The following NXPE2 variants were observed in gnomAD, a reference collection of about 807,000 sequenced individuals.
NXPE2 encodes the protein NXPE family member 2.
Under a neutral mutation model 34.4 loss-of-function variants are expected in NXPE2, and 34 were observed. The ratio of observed to expected loss-of-function variants is 0.99; its 90% CI spans 0.75 to 1.31. The LOEUF is 1.31. Among genes scored for constraint, NXPE2 ranks in the 40% most tolerant of loss-of-function variants. The pLI is 0.00. For synonymous variants in NXPE2, 235 were observed against 231.3 expected (o/e 1.02, Z -0.15); for missense variants, 649 against 672.5 (o/e 0.97, Z 0.39).
chr11:114,507,632 T>C, the NXPE2 span, among the ~76,000 whole-genome samples: 141 of 151,894 alleles, frequency 9.3e-4, no homozygotes, highest in African/African-American at 3.2e-3. Flanking sequence ...ATAAAAGAGA[T>C]AAAGACAAAA....
chr11:114,468,229 T>C, the NXPE2 span, among the ~76,000 whole-genome samples: 3 of 151,762 alleles, frequency 2.0e-5, no homozygotes, highest in Non-Finnish European at 2.9e-5. Flanking sequence ...GGGCCACAGG[T>C]TGGACACATT....
chr11:114,644,736 A>G, the NXPE2 span, among the ~76,000 whole-genome samples: 3 of 152,148 alleles, frequency 2.0e-5, no homozygotes, highest in South Asian at 6.2e-4. Context: ...CTGATTCTAA[A>G]TGTTATATGG....
At chr11:114,783,120 G>A in the NXPE2 span, among the ~76,000 whole-genome samples, 13 of 152,146 alleles carry the variant, frequency 8.5e-5, no homozygotes, top group East Asian at 9.6e-4. Context: ...TTTCCATTTC[G>A]TAACCTGCAG....
the NXPE2 span, among the ~76,000 whole-genome samples, chr11:114,619,877 C>T: frequency 1.3e-5 from 2 of 152,058 alleles, no homozygotes; most frequent in South Asian, 2.1e-4. Context: ...AGTGTTGCCT[C>T]GTGGGTAAGA....
At chr11:114,623,986 G>A in the NXPE2 span, among the ~76,000 whole-genome samples, 3 of 152,148 alleles carry the variant, frequency 2.0e-5, no homozygotes, top group Admixed American at 6.5e-5. Flanking sequence ...TTGCCTCGTG[G>A]GTAACCACTG....
chr11:114,543,664 A>G, the NXPE2 span, among the ~76,000 whole-genome samples: 2 of 152,192 alleles, frequency 1.3e-5, no homozygotes, highest in Admixed American at 6.5e-5. Flanking sequence ...CACTTCCCCA[A>G]TATTGGAACC....
chr11:114,787,050 C>A, the NXPE2 span, among the ~76,000 whole-genome samples: 1 of 152,296 alleles, frequency 6.6e-6, no homozygotes, highest in East Asian at 1.9e-4. Context: ...CCTGCTGCCG[C>A]CCGCAGCTCC....
chr11:114,517,555 G>T, the NXPE2 span, among the ~76,000 whole-genome samples: 1 of 152,064 alleles, frequency 6.6e-6, no homozygotes, highest in Non-Finnish European at 1.5e-5. Flanking sequence ...TCATGTTCTA[G>T]ATACACAGAG....
the NXPE2 span, among the ~76,000 whole-genome samples, chr11:114,541,937 G>T: frequency 2.6e-5 from 4 of 152,128 alleles, no homozygotes; most frequent in Non-Finnish European, 5.9e-5. Context: ...ATTGTGTTTA[G>T]ACCTTATCTC....
chr11:114,633,359 A>G, the NXPE2 span, among the ~76,000 whole-genome samples: 2 of 141,764 alleles, frequency 1.4e-5, no homozygotes, highest in African/African-American at 5.1e-5. Flanking sequence ...TATATTATAT[A>G]TACTATATAA....
chr11:114,683,162 T>C (rs1950977965), intron 2 of NXPE2, among the ~76,000 whole-genome samples: 1 of 152,078 alleles, frequency 6.6e-6, no homozygotes, highest in African/African-American at 2.4e-5. Context: ...TTTGAGTTTT[T>C]TAAAATAAAT....
chr11:114,688,374 G>A (rs568272872), intron 2 of NXPE2, among the ~76,000 whole-genome samples: 1 of 152,116 alleles, frequency 6.6e-6, no homozygotes, highest in South Asian at 2.1e-4. Context: ...TTCTGTTTAT[G>A]TGGTGAATCA....
chr11:114,578,706 G>T, the NXPE2 span, among the ~76,000 whole-genome samples: 6 of 152,280 alleles, frequency 3.9e-5, no homozygotes, highest in South Asian at 1.2e-3. Flanking sequence ...CCAGGATCCG[G>T]GGTCATAGAG....
At chr11:114,745,476 C>T in the NXPE2 span, among the ~76,000 whole-genome samples, 1 of 152,198 alleles carries the variant, frequency 6.6e-6, no homozygotes, top group African/African-American at 2.4e-5. Context: ...AATCTGGCCT[C>T]ATGATCCAAA....
chr11:114,627,697 A>G, the NXPE2 span, among the ~76,000 whole-genome samples: 1 of 152,086 alleles, frequency 6.6e-6, no homozygotes, highest in African/African-American at 2.4e-5. Context: ...AATGGACTAA[A>G]TGCTCCAATT....
chr11:114,594,589 T>C, the NXPE2 span: 1 of 918,038 alleles, frequency 1.1e-6, no homozygotes, highest in Non-Finnish European at 1.8e-6. Flanking sequence ...TCTTGTAGTT[T>C]AGCCTTTCCT....
the NXPE2 span, among the ~76,000 whole-genome samples, chr11:114,635,319 C>G: frequency 6.7e-6 from 1 of 149,826 alleles, no homozygotes; most frequent in South Asian, 2.1e-4. Context: ...GATTTTGTAT[C>G]CTGAGACTTT....
At chr11:114,633,692 C>G in the NXPE2 span, among the ~76,000 whole-genome samples, 5 of 151,070 alleles carry the variant, frequency 3.3e-5, no homozygotes, top group African/African-American at 9.7e-5. Context: ...TCAATTCCCA[C>G]CTATGAGTGA....
the NXPE2 span, among the ~76,000 whole-genome samples, chr11:114,730,891 T>C: frequency 6.6e-6 from 1 of 152,216 alleles, no homozygotes; most frequent in Non-Finnish European, 1.5e-5. Flanking sequence ...TATTTATTTC[T>C]CTTGCCTGGT....
Sources: gnomAD v4.1 joint callset for allele counts (sites outside exome capture counted in the v4.1 genomes callset) on GRCh38, gnomAD v4.1.1 for gene constraint, MANE v1.5 for transcripts, NCBI Gene and HGNC (gene_info 2026-07-23, HGNC 2026-07-21) for gene names.